The following ARHGEF4 variants were observed in gnomAD, a reference collection of about 807,000 sequenced individuals.
The protein encoded by ARHGEF4 is APC-stimulated guanine nucleotide exchange factor 1.
In ARHGEF4, 119 loss-of-function variants were observed where a neutral mutation model predicts 162.0. The observed-to-expected ratio is 0.73, with a 90% CI of 0.63 to 0.86. The LOEUF (loss-of-function observed/expected upper bound fraction) is 0.86. Among genes scored for constraint, ARHGEF4 ranks in the 40% least tolerant of loss-of-function variants. The probability of loss-of-function intolerance (pLI) is 0.00; values close to 1 mark genes in which losing one functional copy is unlikely to be tolerated. For synonymous variants in ARHGEF4, 1,014 were observed against 979.9 expected, an observed-to-expected ratio of 1.03 and a Z score of -0.65; for missense variants, 2,488 against 2,456.0, an observed-to-expected ratio of 1.01 and a Z score of -0.28.
At chr2:131,009,908 T>C (rs1311322403) in intron 4 of ARHGEF4, among the ~76,000 whole-genome samples, 1 of 152,260 alleles carries the variant, frequency 6.6e-6, no homozygotes, top group East Asian at 1.9e-4. Context: ...GTATGTTGGC[T>C]ATTGAATAGT....
chr2:130,893,070 C>T (rs1234919659), intron 1 of ARHGEF4, among the ~76,000 whole-genome samples: 2 of 152,242 alleles, frequency 1.3e-5, no homozygotes, highest in Non-Finnish European at 2.9e-5. Flanking sequence ...TGGTTACTGC[C>T]TGCCTGTCAA....
intron 1 of ARHGEF4, among the ~76,000 whole-genome samples, chr2:130,875,245 C>A (rs1338416098): frequency 6.6e-6 from 1 of 152,152 alleles, no homozygotes; most frequent in Non-Finnish European, 1.5e-5. Flanking sequence ...TAGCGCATTG[C>A]TTGGCTTTAT....
chr2:130,845,408 G>A (rs916297362), intron 1 of ARHGEF4, among the ~76,000 whole-genome samples: 10 of 151,926 alleles, frequency 6.6e-5, no homozygotes, highest in African/African-American at 2.4e-4. Context: ...TGCTTGGGAG[G>A]TTGAGGCAGG....
Position 130,908,408 on chromosome 2 carries a change from G to A in ARHGEF4, c.40-5578G>A, listed in dbSNP as rs137891454. Among the ~76,000 whole-genome samples, 230 of 152,362 alleles carry A rather than the reference G, an allele frequency of 1.5e-3. 1 individual carries two copies. The highest frequency in any genetic ancestry group is 5.1e-3 in the African/African-American group (214 of 41,582). On this transcript the variant is annotated intron_variant, in intron 1 of 13. Coordinates refer to ENST00000409359, the MANE Select transcript of ARHGEF4 (RefSeq NM_001367493.1). ...ACCATGTCTTCTGGCCAGGCGTGGT[G>A]GCTCACGCCTGTAATCCCAGCACTT...
intron 4 of ARHGEF4, among the ~76,000 whole-genome samples, chr2:130,993,197 T>C (rs1687161012): frequency 6.6e-6 from 1 of 152,236 alleles, no homozygotes; most frequent in Non-Finnish European, 1.5e-5. Flanking sequence ...TTTTAATCAT[T>C]TTAATTATCA....
At chr2:130,882,393 C>G (rs1679250114) in intron 1 of ARHGEF4, among the ~76,000 whole-genome samples, 1 of 152,050 alleles carries the variant, frequency 6.6e-6, no homozygotes, top group African/African-American at 2.4e-5. Flanking sequence ...GGTCAGGTTC[C>G]AGGGAGGGCT....
intron 5 of ARHGEF4, among the ~76,000 whole-genome samples, chr2:131,033,901 C>T (rs1690040579): frequency 6.6e-6 from 1 of 152,188 alleles, no homozygotes; most frequent in Non-Finnish European, 1.5e-5. Flanking sequence ...CCCACATACA[C>T]ACAGGTACCC....
intron 4 of ARHGEF4, chr2:130,963,755 C>T (rs1217143085): frequency 6.8e-6 from 1 of 147,048 alleles, no homozygotes; most frequent in African/African-American, 2.4e-5. Context: ...GGGCAGCGAG[C>T]TGACGCGCTG....
At chr2:130,951,678 CT>C (rs1558761252) in intron 4 of ARHGEF4, among the ~76,000 whole-genome samples, 1 of 151,842 alleles carries the variant, frequency 6.6e-6, no homozygotes. Context: ...ATTAATGATT[CT>C]TTCACTGTAT....
At chr2:130,875,236 A>G (rs1678749259) in intron 1 of ARHGEF4, among the ~76,000 whole-genome samples, 2 of 152,114 alleles carry the variant, frequency 1.3e-5, no homozygotes, top group African/African-American at 2.4e-5. Flanking sequence ...ACTCTAGATT[A>G]GCGCATTGCT....
intron 1 of ARHGEF4, among the ~76,000 whole-genome samples, chr2:130,895,326 C>G (rs547012828): frequency 1.4e-4 from 21 of 152,326 alleles, no homozygotes; most frequent in African/African-American, 4.8e-4. Flanking sequence ...TATCATACAC[C>G]AACCATGGGC....
chr2:130,916,766 C>T lies in ARHGEF4; in HGVS notation c.2820C>T (p.Gly940=), dbSNP rs1479539449. Residue 940 remains glycine (G), a synonymous_variant, in exon 2 of 14, where the codon GGC becomes GGT. Transcript: ENST00000409359. The stretch of plus-strand genomic sequence containing the variant: ...AACGTTCCCCAAGTTCTCCCAAGGG[C>T]GAGAAGGAGAAGAGCAGGCTGCGCC... The part of the protein sequence containing the change: ...THERSPSSPK[G]EKEKSRLRQG... The T allele has an allele frequency of 1.0e-5, 16 of 1,550,598 alleles. 2 individuals carry two copies. Among genetic ancestry groups the T allele is most frequent in the Non-Finnish European group, 1.1e-5 (13 of 1,147,024 alleles).
chr2:130,882,726 C>T (rs146710715), intron 1 of ARHGEF4, among the ~76,000 whole-genome samples: 88 of 151,996 alleles, frequency 5.8e-4, no homozygotes, highest in Non-Finnish European at 8.2e-4. Context: ...GGACTTCACC[C>T]GTACCCTCTC....
At chr2:130,845,104 G>A (rs540998917) in intron 1 of ARHGEF4, among the ~76,000 whole-genome samples, 11 of 151,782 alleles carry the variant, frequency 7.2e-5, no homozygotes, top group African/African-American at 2.7e-4. Flanking sequence ...TTACAGGCGT[G>A]AGCCACCCGG....
chr2:130,949,158 G>T (rs1440645027), intron 4 of ARHGEF4, among the ~76,000 whole-genome samples: 1 of 151,882 alleles, frequency 6.6e-6, no homozygotes, highest in Non-Finnish European at 1.5e-5. Flanking sequence ...GCCTTCACTG[G>T]CAGTTTGTGA....
At chr2:130,859,520 A>G (rs1201935008) in intron 1 of ARHGEF4, among the ~76,000 whole-genome samples, 1 of 10,682 alleles carries the variant, frequency 9.4e-5, no homozygotes, top group Non-Finnish European at 2.4e-4. Context: ...AGGCCAAGGC[A>G]GGAGGGTTAC....
At chr2:130,841,792 C>T (rs1004665995) in intron 1 of ARHGEF4, among the ~76,000 whole-genome samples, 5 of 152,166 alleles carry the variant, frequency 3.3e-5, no homozygotes, top group African/African-American at 9.7e-5. Flanking sequence ...ACACTGTATC[C>T]CTTCAGATGT....
chr2:130,979,922 A>G (rs368651536), intron 4 of ARHGEF4, among the ~76,000 whole-genome samples: 4 of 152,126 alleles, frequency 2.6e-5, no homozygotes, highest in East Asian at 1.9e-4. Flanking sequence ...CTCAAACAAT[A>G]AGACCTAATA....
intron 6 of ARHGEF4, 142 bp downstream of exon 6, chr2:131,039,174 C>T (rs1303520700): frequency 1.6e-6 from 2 of 1,255,538 alleles, no homozygotes; most frequent in African/African-American, 3.0e-5. Flanking sequence ...GTGTCACAGC[C>T]TTCCTCCTCC....
Sources: gnomAD v4.1 joint callset for allele counts (sites outside exome capture counted in the v4.1 genomes callset) on GRCh38, gnomAD v4.1.1 for gene constraint, MANE v1.5 for transcripts, NCBI Gene and HGNC (gene_info 2026-07-23, HGNC 2026-07-21) for gene names.